The following PPARA variants were observed in gnomAD, a reference collection of about 807,000 sequenced individuals.
The protein encoded by PPARA is peroxisome proliferator activated receptor alpha, also known as peroxisome proliferator-activated receptor alpha.
In PPARA, 22 loss-of-function variants were observed where a neutral mutation model predicts 42.2. The observed-to-expected ratio is 0.52, with a 90% CI of 0.37 to 0.74. The LOEUF (loss-of-function observed/expected upper bound fraction) is 0.74. Among genes scored for constraint, PPARA ranks in the 30% least tolerant of loss-of-function variants. The probability of loss-of-function intolerance (pLI) is 0.00; values close to 1 mark genes in which losing one functional copy is unlikely to be tolerated. For missense variants in PPARA, 465 were observed against 608.2 expected, an observed-to-expected ratio of 0.76 and a Z score of 2.48; for synonymous variants, 242 against 239.3, an observed-to-expected ratio of 1.01 and a Z score of -0.10.
intron 7 of PPARA, chr22:46,220,438 C>CTTTTT: frequency 6.9e-6 from 2 of 288,964 alleles, no homozygotes; most frequent in South Asian, 3.3e-5. Flanking sequence ...CCTCAGCCTC[C>CTTTTT]CAAGGAGCTG....
In PPARA at chr22:46,235,493, C is replaced by T; in HGVS notation, c.*113C>T. On this transcript the variant is annotated 3_prime_UTR_variant, in exon 9 of 9. Transcript: ENST00000407236. The surrounding 1 kb of genome is among the most constrained non-coding windows in gnomAD (Gnocchi z 7.0). ...AATATCCACCACTTTAACCTTAGAGCTTGGACAGTCTGAGCTGTAGGTAAC... is the reference window on the plus strand; with the variant it reads ...AATATCCACCACTTTAACCTTAGAGTTTGGACAGTCTGAGCTGTAGGTAAC... 7.2e-7 allele frequency: 1 copy of T among 1,381,756 alleles called. No homozygotes were observed. Among genetic ancestry groups the T allele is most frequent in the Non-Finnish European group, 1.0e-6 (1 of 1,000,778 alleles). The allele number at this position is 1,381,756 out of a possible 1,614,324, so 85.6% of individuals were successfully genotyped here. A position where few individuals can be genotyped will look rare whatever the true frequency, so the allele number is the denominator to read the frequency against.
chr22:46,170,402 ATTTTTTTTT>A (rs935185946), intron 2 of PPARA, among the ~76,000 whole-genome samples: 34 of 64,236 alleles, frequency 5.3e-4, no homozygotes, highest in Middle Eastern at 0.012. Context: ...CACCCAGCTA[ATTTTTTTTT>A]TTTTTTTTTT....
rs1271835215 is a variant in PPARA, at chr22:46,195,056, C to T, written c.-42-3286C>T. Among the ~76,000 whole-genome samples, 1 of 150,494 alleles carries T rather than the reference C, an allele frequency of 6.6e-6. No individual in the cohort carries two copies. Among genetic ancestry groups the T allele is most frequent in the Non-Finnish European group, 1.5e-5 (1 of 67,726 alleles). ...TAGCTGGGATTACAGGCGCCTACCA[C>T]CACGCCCGGCTAATTTTTGTATTTT... On this transcript the variant is annotated intron_variant, in intron 3 of 8. Coordinates refer to ENST00000407236, the MANE Select transcript of PPARA (RefSeq NM_005036.6). This position sits in a 1 kb window ranked among gnomAD's most constrained non-coding sequence, Gnocchi z 4.6.
chr22:46,186,867 C>T (rs1386662542), intron 3 of PPARA, among the ~76,000 whole-genome samples: 1 of 151,994 alleles, frequency 6.6e-6, no homozygotes, highest in Non-Finnish European at 1.5e-5. Flanking sequence ...TATGTTTTTT[C>T]CCTGTATATG....
At position 46,190,518 on chromosome 22, in the gene PPARA, C is replaced by T. The variant is rs1338282010; in HGVS notation, c.-42-7824C>T. On this transcript the variant is annotated intron_variant, in intron 3 of 8. Coordinates refer to ENST00000407236, the MANE Select transcript of PPARA (RefSeq NM_005036.6). This position sits in a 1 kb window ranked among gnomAD's most constrained non-coding sequence, Gnocchi z 5.6. ...ACCAGTAATCCCAACACTTAGAGGC[C>T]AAGCCGCGTGGATCGCTTGAGCCCA... Among the ~76,000 whole-genome samples the T allele has an allele frequency of 6.6e-6, 1 of 152,140 alleles. No homozygotes were observed. Among genetic ancestry groups the T allele is most frequent in the East Asian group, 1.9e-4 (1 of 5,192 alleles).
At chr22:46,209,447 C>T (rs948086620) in intron 4 of PPARA, among the ~76,000 whole-genome samples, 1 of 149,740 alleles carries the variant, frequency 6.7e-6, no homozygotes, top group Admixed American at 6.7e-5. Flanking sequence ...TCCAATTATA[C>T]ATACATTAGG....
In PPARA at chr22:46,200,252, T is replaced by C. The variant is rs1296146524; in HGVS notation, c.208+1661T>C. 2.0e-5 allele frequency among the ~76,000 whole-genome samples: 3 copies of C among 152,344 alleles called. No homozygotes were observed. The East Asian group carries it at 5.8e-4, about 29-fold the overall frequency. On this transcript the variant is annotated intron_variant, in intron 4 of 8. Transcript: ENST00000407236. This position sits in a 1 kb window ranked among gnomAD's most constrained non-coding sequence, Gnocchi z 4.8. ...GGTGTGTACATGGGTATTACAGTCATGTTGCTTAATGACAGGGACAGGTTG... is the reference window on the plus strand; with the variant it reads ...GGTGTGTACATGGGTATTACAGTCACGTTGCTTAATGACAGGGACAGGTTG...
intron 4 of PPARA, among the ~76,000 whole-genome samples, chr22:46,214,946 A>T (rs1007015448): frequency 6.6e-6 from 1 of 152,108 alleles, no homozygotes; most frequent in Non-Finnish European, 1.5e-5. Context: ...GGGTCAGCTC[A>T]GCAGCAGTGA....
At chr22:46,153,860 A>C (rs910019093) in intron 2 of PPARA, among the ~76,000 whole-genome samples, 3 of 147,120 alleles carry the variant, frequency 2.0e-5, no homozygotes, top group Admixed American at 6.8e-5. Flanking sequence ...CTCCGTTTCC[A>C]AAAAAAAAAA....
At chr22:46,157,752 G>T (rs1223827595) in intron 2 of PPARA, among the ~76,000 whole-genome samples, 2 of 152,108 alleles carry the variant, frequency 1.3e-5, no homozygotes, top group African/African-American at 4.8e-5. Flanking sequence ...TCCTTCTCCT[G>T]CTCTGACTGT....
chr22:46,239,958 CTT>C lies in PPARA; in HGVS notation c.*4580_*4581del, dbSNP rs1452185202. ...GTCCTGATCCAGTGGCCACACCTGT[CTT>C]TGAAATGTCTCACTGAACTCCAGTT... On this transcript the variant is annotated 3_prime_UTR_variant, in exon 9 of 9. Transcript: ENST00000407236. 5 of 389,804 alleles carry C rather than the reference CTT, an allele frequency of 1.3e-5. No homozygotes were observed. In the East Asian group the frequency reaches 1.8e-4, roughly 14 times the overall value. The allele number at this position is 389,804 out of a possible 1,614,324, so 24.1% of individuals were successfully genotyped here.
At chr22:46,214,464 C>T (rs933975278) in intron 4 of PPARA, among the ~76,000 whole-genome samples, 5 of 147,288 alleles carry the variant, frequency 3.4e-5, no homozygotes, top group Admixed American at 6.9e-5. Context: ...CGGAGATGCG[C>T]AGATCAGGAG....
At chr22:46,155,540 C>G (rs1925177998) in intron 2 of PPARA, 1 of 152,260 alleles carries the variant, frequency 6.6e-6, no homozygotes. Flanking sequence ...GTCTCGAACT[C>G]CTGATCTCAG....
rs530806599 is a variant in PPARA, at chr22:46,183,578, C to T, written c.-43+6742C>T. ...GCAACATGGCGAAACCCTGTCTATA[C>T]AAAAAATAGAAAAATTAGCCAGGCA... On this transcript the variant is annotated intron_variant, in intron 3 of 8. Coordinates refer to ENST00000407236, the MANE Select transcript of PPARA (RefSeq NM_005036.6). The surrounding 1 kb of genome is among the most constrained non-coding windows in gnomAD (Gnocchi z 5.5). Among the ~76,000 whole-genome samples, 359 of 152,148 alleles carry T rather than the reference C, an allele frequency of 2.4e-3. No individual in the cohort carries two copies. The highest frequency in any genetic ancestry group is 8.2e-3 in the African/African-American group (340 of 41,536).
Position 46,235,181 on chromosome 22 carries a change from G to C in PPARA, c.1208G>C (p.Gly403Ala), listed in dbSNP as rs1190259697. 6.2e-7 allele frequency: 1 copy of C among 1,613,764 alleles called. No individual in the cohort carries two copies. Among genetic ancestry groups the C allele is most frequent in the South Asian group, 1.1e-5 (1 of 91,078 alleles). Residue 403 changes from glycine to alanine, a missense_variant, in exon 9 of 9, where the codon GGT becomes GCT. This residue lies in a region of PPARA where 313 missense variants were observed against 469.1 expected (regional missense o/e 0.67). Transcript: ENST00000407236. The surrounding 1 kb of genome is among the most constrained non-coding windows in gnomAD (Gnocchi z 7.0). ...NVGHIEKMQEGIVHVLRLHLQ... is the reference protein window; with the variant it reads ...NVGHIEKMQEAIVHVLRLHLQ... The stretch of plus-strand genomic sequence containing the variant: ...GGACACATTGAAAAAATGCAGGAGG[G>C]TATTGTACATGTGCTCAGACTCCAC...
intron 2 of PPARA, among the ~76,000 whole-genome samples, chr22:46,175,319 G>A (rs1404306980): frequency 6.6e-6 from 1 of 152,114 alleles, no homozygotes; most frequent in Non-Finnish European, 1.5e-5. Context: ...CCAATCAGTG[G>A]TCATGGTGCC....
Position 46,180,297 on chromosome 22 carries a change from A to C in PPARA, c.-43+3461A>C, listed in dbSNP as rs775444853. On this transcript the variant is annotated intron_variant, in intron 3 of 8. Transcript: ENST00000407236. The surrounding 1 kb of genome is among the most constrained non-coding windows in gnomAD (Gnocchi z 4.2). ...TGCCTCCCAATGAATTAGAAAAATA[A>C]TAATAAAGGTAACAATAGCAGTAAT... Among the ~76,000 whole-genome samples the C allele has an allele frequency of 3.3e-5, 5 of 152,078 alleles. No homozygotes were observed. The highest frequency in any genetic ancestry group is 5.9e-5 in the Non-Finnish European group (4 of 68,020).
chr22:46,240,471 C>A lies in PPARA; in HGVS notation c.*5091C>A, dbSNP rs1218136932. ...CTCCCATCTCCTGGACTGCCAGCCT[C>A]ACCCTCTGCAGTTAGCATGGTTGGC... is the stretch of plus-strand genomic sequence containing the variant. On this transcript the variant is annotated 3_prime_UTR_variant, in exon 9 of 9. Coordinates refer to ENST00000407236, the MANE Select transcript of PPARA (RefSeq NM_005036.6). The surrounding 1 kb of genome is among the most constrained non-coding windows in gnomAD (Gnocchi z 6.0). The A allele has an allele frequency of 2.6e-6, 1 of 389,782 alleles. No homozygotes were observed. Among genetic ancestry groups the A allele is most frequent in the Non-Finnish European group, 4.5e-6 (1 of 221,204 alleles). 24.1% of individuals were successfully genotyped at this position (389,782 alleles called of 1,614,324 possible).
In PPARA at chr22:46,190,822, C is replaced by T. The variant is rs1292802592; in HGVS notation, c.-42-7520C>T. ...GTTGGTTGTCTTGAGTGTCTGATCA[C>T]ATAGAATATAAAGATGTTTTGATAG... is the stretch of plus-strand genomic sequence containing the variant. On this transcript the variant is annotated intron_variant, in intron 3 of 8. Transcript: ENST00000407236. The surrounding 1 kb of genome is among the most constrained non-coding windows in gnomAD (Gnocchi z 5.6). 1.3e-5 allele frequency among the ~76,000 whole-genome samples: 2 copies of T among 152,152 alleles called. No individual in the cohort carries two copies. The highest frequency in any genetic ancestry group is 4.8e-5 in the African/African-American group (2 of 41,438).
Sources: gnomAD v4.1 joint callset for allele counts (sites outside exome capture counted in the v4.1 genomes callset) on GRCh38, gnomAD v4.1.1 for gene constraint, gnomAD v4.1.1 regional missense constraint, Gnocchi (gnomAD v3.1) non-coding constraint, MANE v1.5 for transcripts, NCBI Gene and HGNC (gene_info 2026-07-23, HGNC 2026-07-21) for gene names.